Variants in RBFOX1 observed in about 807,000 individuals in gnomAD.
RBFOX1 encodes RNA binding fox-1 homolog 1, also known as RNA binding protein fox-1 homolog 1.
A neutral mutation model predicts 57.7 loss-of-function variants in RBFOX1; 8 were observed. The ratio of observed to expected loss-of-function variants is 0.14; its 90% CI spans 0.08 to 0.25. RBFOX1 has a LOEUF of 0.25. Among genes scored for constraint, RBFOX1 ranks in the 10% least tolerant of loss-of-function variants. The pLI, the probability that RBFOX1 is intolerant of heterozygous loss-of-function variation, is 1.00. For synonymous variants in RBFOX1, 326 were observed against 222.4 expected, an observed-to-expected ratio of 1.47 and a Z score of -4.15; for missense variants, 611 against 548.5, an observed-to-expected ratio of 1.11 and a Z score of -1.14.
intron 3 of RBFOX1, among the ~76,000 whole-genome samples, chr16:6,710,983 A>G (rs1029021689): frequency 5.3e-5 from 8 of 152,204 alleles, no homozygotes; most frequent in African/African-American, 1.9e-4. Context: ...AAGAAGCTCT[A>G]CTGAGCGGAA....
intron 2 of RBFOX1, among the ~76,000 whole-genome samples, chr16:6,432,944 C>G (rs560569591): frequency 6.2e-4 from 94 of 152,298 alleles, no homozygotes; most frequent in African/African-American, 2.0e-3. Context: ...CACCACTGCA[C>G]TCCAGCCTGG....
intron 3 of RBFOX1, among the ~76,000 whole-genome samples, chr16:6,935,159 C>G (rs1280921543): frequency 1.3e-5 from 2 of 152,118 alleles, no homozygotes; most frequent in Non-Finnish European, 2.9e-5. Context: ...ATATGCCTAT[C>G]TGGCCTAATT....
intron 4 of RBFOX1, among the ~76,000 whole-genome samples, chr16:5,956,785 T>G (rs1375373534): frequency 2.0e-5 from 3 of 149,680 alleles, no homozygotes; most frequent in African/African-American, 7.4e-5. Flanking sequence ...TCTTTCCACC[T>G]CAACTTCCTG....
At chr16:6,939,055 G>C (rs1217348562) in intron 3 of RBFOX1, among the ~76,000 whole-genome samples, 2 of 152,266 alleles carry the variant, frequency 1.3e-5, no homozygotes, top group East Asian at 3.9e-4. Context: ...GAATATCAAT[G>C]CTACCATGGG....
intron 3 of RBFOX1, among the ~76,000 whole-genome samples, chr16:5,666,879 C>G (rs2049861487): frequency 6.6e-6 from 1 of 152,190 alleles, no homozygotes; most frequent in East Asian, 1.9e-4. Flanking sequence ...TACCACTGCT[C>G]AGTTTGCATG....
chr16:7,684,524 T>C (rs1046271408), intron 14 of RBFOX1, among the ~76,000 whole-genome samples: 35 of 152,070 alleles, frequency 2.3e-4, no homozygotes, highest in African/African-American at 8.0e-4. Flanking sequence ...ATCCCAATCA[T>C]TTAGATTGAA....
chr16:7,518,039 CCCTAGAAA>C (rs2076750137), intron 4 of RBFOX1, 100 bp from the exon 5 acceptor site: 1 of 1,389,658 alleles, frequency 7.2e-7, no homozygotes, highest in African/African-American at 1.4e-5. Context: ...CCATGGTGAC[CCCTAGAAA>C]GTACGCGGGG....
At chr16:7,458,341 C>T (rs886828064) in intron 4 of RBFOX1, among the ~76,000 whole-genome samples, 5 of 152,156 alleles carry the variant, frequency 3.3e-5, no homozygotes, top group African/African-American at 1.2e-4. Flanking sequence ...TGGGCCAGTC[C>T]ACTTTGTGCC....
At chr16:5,705,059 A>G (rs2051192083) in intron 3 of RBFOX1, among the ~76,000 whole-genome samples, 1 of 152,172 alleles carries the variant, frequency 6.6e-6, no homozygotes, top group Non-Finnish European at 1.5e-5. Flanking sequence ...TTGCAAAATC[A>G]AATATGTAAC....
At chr16:6,694,893 A>G (rs914567712) in intron 3 of RBFOX1, among the ~76,000 whole-genome samples, 2 of 151,888 alleles carry the variant, frequency 1.3e-5, no homozygotes, top group Non-Finnish European at 2.9e-5. Flanking sequence ...CACAGAAGAC[A>G]GCATGCGTGG....
chr16:6,167,955 C>G (rs1427438988), intron 1 of RBFOX1, among the ~76,000 whole-genome samples: 4 of 152,162 alleles, frequency 2.6e-5, no homozygotes, highest in African/African-American at 9.7e-5. Context: ...TTTATAAACT[C>G]CACCCATGGC....
intron 4 of RBFOX1, among the ~76,000 whole-genome samples, chr16:7,224,209 G>C (rs139845134): frequency 5.4e-4 from 79 of 145,756 alleles, no homozygotes; most frequent in African/African-American, 1.8e-3. Context: ...ATAATGGGAA[G>C]AGTTCCATGA....
chr16:7,533,311 T>C (rs1424769031), intron 5 of RBFOX1, among the ~76,000 whole-genome samples: 1 of 152,244 alleles, frequency 6.6e-6, no homozygotes, highest in Non-Finnish European at 1.5e-5. Context: ...AAAATGTGTT[T>C]GTGTAATGCC....
At chr16:6,731,476 A>T (rs1437261327) in intron 3 of RBFOX1, among the ~76,000 whole-genome samples, 1 of 152,126 alleles carries the variant, frequency 6.6e-6, no homozygotes, top group Non-Finnish European at 1.5e-5. Flanking sequence ...GCTCTTGCAG[A>T]ATTCTAGCTG....
chr16:7,045,883 C>G (rs962875126), intron 3 of RBFOX1, among the ~76,000 whole-genome samples: 1 of 152,098 alleles, frequency 6.6e-6, no homozygotes, highest in African/African-American at 2.4e-5. Flanking sequence ...TTCTGGAACT[C>G]CTGACCTCAG....
At chr16:7,102,677 C>A (rs1305975631) in intron 4 of RBFOX1, among the ~76,000 whole-genome samples, 3 of 152,160 alleles carry the variant, frequency 2.0e-5, no homozygotes, top group African/African-American at 7.2e-5. Flanking sequence ...TCTCGCTAAT[C>A]TTGCACACCA....
chr16:6,605,289 A>T (rs73538080), intron 2 of RBFOX1, among the ~76,000 whole-genome samples: 2 of 152,150 alleles, frequency 1.3e-5, no homozygotes, highest in Non-Finnish European at 2.9e-5. Context: ...AATAAAAAAT[A>T]GGCCAAATAG....
At chr16:5,419,855 T>C (rs1216004717) in intron 1 of RBFOX1, among the ~76,000 whole-genome samples, 1 of 151,856 alleles carries the variant, frequency 6.6e-6, no homozygotes, top group Non-Finnish European at 1.5e-5. Flanking sequence ...GGGTGGCCCG[T>C]AGGAGCAGAG....
intron 2 of RBFOX1, among the ~76,000 whole-genome samples, chr16:5,527,230 C>T (rs931243036): frequency 6.6e-6 from 1 of 152,132 alleles, no homozygotes; most frequent in Non-Finnish European, 1.5e-5. Context: ...CGCGATGGGC[C>T]CTGGGAATTC....
Sources: allele counts gnomAD v4.1 joint callset (sites outside exome capture counted in the v4.1 genomes callset), GRCh38; gene constraint gnomAD v4.1.1; transcripts MANE v1.5; gene names NCBI Gene and HGNC (gene_info 2026-07-23, HGNC 2026-07-21).